The following EFCAB13 variants were observed in gnomAD, a reference collection of about 807,000 sequenced individuals.
EFCAB13 encodes EF-hand calcium binding domain 13.
A neutral mutation model predicts 110.2 loss-of-function variants in EFCAB13; 91 were observed. The ratio of observed to expected loss-of-function variants is 0.83; its 90% CI spans 0.70 to 0.98. The LOEUF (loss-of-function observed/expected upper bound fraction) is 0.98. Ranked by LOEUF, EFCAB13 falls within the 50% of genes least tolerant of loss-of-function variation. The pLI is 0.00. For synonymous variants in EFCAB13, 323 were observed against 369.9 expected, an observed-to-expected ratio of 0.87 and a Z score of 1.45; for missense variants, 968 against 1,119.4, an observed-to-expected ratio of 0.86 and a Z score of 1.93.
chr17:47,370,139 T>C (rs1421897141), intron 10 of EFCAB13, among the ~76,000 whole-genome samples: 9 of 152,126 alleles, frequency 5.9e-5, no homozygotes, highest in African/African-American at 2.2e-4. Flanking sequence ...ATACCTGTAA[T>C]AAACTCTAAA....
chr17:47,372,326 A>AG (rs1255391120), intron 11 of EFCAB13, among the ~76,000 whole-genome samples: 8 of 152,204 alleles, frequency 5.3e-5, no homozygotes, highest in African/African-American at 1.9e-4. Context: ...ATAGCAAGTT[A>AG]GCTTTGCTTG....
intron 14 of EFCAB13, among the ~76,000 whole-genome samples, chr17:47,380,548 C>T (rs1034824068): frequency 6.6e-6 from 1 of 152,178 alleles, no homozygotes; most frequent in African/African-American, 2.4e-5. Flanking sequence ...CATACATGTG[C>T]ATGTGTCTTT....
chr17:47,405,197 G>T (rs2065799025), intron 20 of EFCAB13, among the ~76,000 whole-genome samples: 1 of 152,002 alleles, frequency 6.6e-6, no homozygotes, highest in Non-Finnish European at 1.5e-5. Context: ...CTATAATTTT[G>T]TCCACAATAC....
In EFCAB13 at chr17:47,403,627, CA is replaced by C. The variant is rs778301538; in HGVS notation, c.2018-250del. ...GCAAAATAATTACTTTGTATAATTG[CA>C]GTGAAAAATTCAGCTATATGAGTGA... On this transcript the variant is annotated intron_variant, in intron 18 of 24. Coordinates refer to ENST00000331493, the MANE Select transcript of EFCAB13 (RefSeq NM_152347.5). 3.9e-5 allele frequency among the ~76,000 whole-genome samples: 6 copies of C among 152,196 alleles called. No individual in the cohort carries two copies. The East Asian group carries it at 9.6e-4, about 24-fold the overall frequency.
chr17:47,439,959 G>C (rs907640303), intron 24 of EFCAB13, among the ~76,000 whole-genome samples: 2 of 151,392 alleles, frequency 1.3e-5, no homozygotes, highest in African/African-American at 4.9e-5. Context: ...TTGTACTGCC[G>C]AATCCTATAA....
chr17:47,352,184 G>A (rs1040351697), intron 9 of EFCAB13, among the ~76,000 whole-genome samples: 6 of 151,026 alleles, frequency 4.0e-5, no homozygotes, highest in African/African-American at 1.5e-4. Flanking sequence ...TTACAGGCGC[G>A]AGCCACCACG....
Position 47,431,592 on chromosome 17 carries a change from C to T in EFCAB13, c.2638+1631C>T, listed in dbSNP as rs545627829. Reference sequence around the variant, plus strand: ...AAAATTTGAGGTTTTATAGTCATTACATTATTAATTTCTAGTTTAATTGCA... The same window carrying T: ...AAAATTTGAGGTTTTATAGTCATTATATTATTAATTTCTAGTTTAATTGCA... On this transcript the variant is annotated intron_variant, in intron 24 of 24. Transcript: ENST00000331493. The surrounding 1 kb of genome is among the most constrained non-coding windows in gnomAD (Gnocchi z 4.1). Among the ~76,000 whole-genome samples, 4 of 152,094 alleles carry T rather than the reference C, an allele frequency of 2.6e-5. No homozygotes were observed. In the South Asian group the frequency reaches 6.3e-4, roughly 24 times the overall value.
chr17:47,421,663 C>T (rs182452354), intron 23 of EFCAB13, among the ~76,000 whole-genome samples: 19 of 142,844 alleles, frequency 1.3e-4, no homozygotes, highest in Middle Eastern at 3.7e-3. Context: ...AGAAATGTTA[C>T]CAATATCAGG....
At chr17:47,348,253 G>A (rs1174860368) in intron 9 of EFCAB13, among the ~76,000 whole-genome samples, 1 of 151,336 alleles carries the variant, frequency 6.6e-6, no homozygotes, top group Non-Finnish European at 1.5e-5. Flanking sequence ...TTTAAATAAT[G>A]TAATAAATAC....
At chr17:47,343,765 G>A (rs1397292095) in intron 6 of EFCAB13, among the ~76,000 whole-genome samples, 1 of 152,074 alleles carries the variant, frequency 6.6e-6, no homozygotes, top group Non-Finnish European at 1.5e-5. Context: ...AAAATTACCT[G>A]TATCATTTGA....
At chr17:47,376,018 T>C (rs1308628531) in intron 12 of EFCAB13, among the ~76,000 whole-genome samples, 1 of 152,162 alleles carries the variant, frequency 6.6e-6, no homozygotes, top group Non-Finnish European at 1.5e-5. Flanking sequence ...ATAGAAGCAG[T>C]GTGTGTGGAA....
chr17:47,383,518 T>C (rs571503041), intron 14 of EFCAB13, among the ~76,000 whole-genome samples: 3 of 152,330 alleles, frequency 2.0e-5, no homozygotes, highest in Admixed American at 2.0e-4. Context: ...TATTTATTTC[T>C]GCCTTCATTT....
intron 21 of EFCAB13, among the ~76,000 whole-genome samples, chr17:47,412,056 T>C (rs2065838282): frequency 1.3e-5 from 2 of 152,204 alleles, no homozygotes; most frequent in South Asian, 4.1e-4. Context: ...ATGGCACCAC[T>C]GCACTCCAGC....
chr17:47,389,870 G>T (rs1211247040), intron 14 of EFCAB13, among the ~76,000 whole-genome samples: 1 of 152,096 alleles, frequency 6.6e-6, no homozygotes, highest in African/African-American at 2.4e-5. Context: ...TTAAAAAAGA[G>T]CTTTTAATTT....
intron 23 of EFCAB13, among the ~76,000 whole-genome samples, chr17:47,424,439 G>A (rs541108536): frequency 1.3e-5 from 2 of 152,336 alleles, no homozygotes; most frequent in African/African-American, 2.4e-5. Context: ...CACTTCAGCA[G>A]AATAATGATG....
At chr17:47,334,600 C>G (rs961117986) in intron 4 of EFCAB13, among the ~76,000 whole-genome samples, 3 of 152,076 alleles carry the variant, frequency 2.0e-5, no homozygotes, top group African/African-American at 7.2e-5. Context: ...GTATGATAAA[C>G]TTTTGTACCT....
chr17:47,436,337 CA>C (rs1392932281), intron 24 of EFCAB13, among the ~76,000 whole-genome samples: 1 of 152,068 alleles, frequency 6.6e-6, no homozygotes, highest in African/African-American at 2.4e-5. Context: ...GGAATAGCGT[CA>C]AAAGGGTTGG....
intron 11 of EFCAB13, among the ~76,000 whole-genome samples, chr17:47,370,719 TTTG>T (rs1200070238): frequency 2.7e-5 from 4 of 150,916 alleles, no homozygotes; most frequent in Non-Finnish European, 5.9e-5. Flanking sequence ...TGCCCAGTTT[TTTG>T]TTGTTGTTGT....
rs1421477320 is a variant in EFCAB13 at position 47,441,223 on chromosome 17, T to C, written c.*509T>C. ...ACTTTGTTTATACTCTCATTTATAC[T>C]ACCAACCCTCCCTAGAAAAAATGGA... On this transcript the variant is annotated 3_prime_UTR_variant, in exon 25 of 25. Coordinates refer to ENST00000331493, the MANE Select transcript of EFCAB13 (RefSeq NM_152347.5). 1 of 152,226 alleles carries C rather than the reference T, an allele frequency of 6.6e-6. No homozygotes were observed. The highest frequency in any genetic ancestry group is 6.6e-5 in the Admixed American group (1 of 15,256). The allele number at this position is 152,226 out of a possible 1,614,324, so 9.4% of individuals were successfully genotyped here. A position where few individuals can be genotyped will look rare whatever the true frequency, so the allele number is the denominator to read the frequency against.
Sources: allele counts gnomAD v4.1 joint callset (sites outside exome capture counted in the v4.1 genomes callset), GRCh38; gene constraint gnomAD v4.1.1; non-coding constraint Gnocchi (gnomAD v3.1); transcripts MANE v1.5; gene names NCBI Gene and HGNC (gene_info 2026-07-23, HGNC 2026-07-21).